TEX11: variants seen among roughly 807,000 people sequenced by gnomAD.
TEX11 encodes testis expressed 11, also known as testis-expressed protein 11.
TEX11 carries 7 observed loss-of-function variants against 84.4 expected under a neutral mutation model. The observed-to-expected ratio is 0.08, with a 90% CI of 0.05 to 0.16. The LOEUF (loss-of-function observed/expected upper bound fraction) is 0.16, where lower values mean the gene tolerates loss of function less well. TEX11 is among the 10% of genes least tolerant of loss of function. TEX11 has a pLI of 1.00. For synonymous variants in TEX11, 264 were observed against 222.8 expected (o/e 1.18, Z -1.64); for missense variants, 551 against 660.5 (o/e 0.83, Z 1.82).
At chrX:70,897,680 AAAGAAAGAAAGAAAGAAAG>A (rs1403256921) in intron 2 of TEX11, 18 of 12,387 alleles carry the variant, frequency 1.5e-3, no homozygotes, top group African/African-American at 3.2e-3. Context: ...AAAGAAAGAA[AAAGAAAGAAAGAAAGAAAG>A]AAAGAAAGAA....
chrX:70,514,594 A>G, the TEX11 span, among the ~76,000 whole-genome samples: 1 of 30,095 alleles, frequency 3.3e-5, no homozygotes, highest in Non-Finnish European at 5.0e-5. Flanking sequence ...GACTCCATCT[A>G]AAAAAAAAAA....
intron 8 of TEX11, among the ~76,000 whole-genome samples, chrX:70,832,196 A>G (rs2091380751): frequency 1.8e-5 from 2 of 111,695 alleles, no homozygotes; most frequent in Admixed American, 9.6e-5. Context: ...AACTTTGGCT[A>G]AACCCACATT....
chrX:70,796,475 A>T (rs1304962092), intron 9 of TEX11, among the ~76,000 whole-genome samples: 1 of 112,241 alleles, frequency 8.9e-6, no homozygotes, highest in Non-Finnish European at 1.9e-5. Context: ...AGAGATATCA[A>T]TATTCAAGTA....
chrX:70,554,513 A>G, intron 26 of TEX11, 138 bp downstream of exon 26: 1 of 498,726 alleles, frequency 2.0e-6, no homozygotes. Flanking sequence ...TAAGAATGGC[A>G]TTAGAGAAGG....
At chrX:70,587,586 G>C (rs1196787646) in intron 25 of TEX11, among the ~76,000 whole-genome samples, 1 of 112,572 alleles carries the variant, frequency 8.9e-6, no homozygotes. Flanking sequence ...AAACAAATGG[G>C]TGTCCGTGGA....
intron 20 of TEX11, among the ~76,000 whole-genome samples, chrX:70,618,379 C>A (rs1040807717): frequency 9.0e-6 from 1 of 111,211 alleles, no homozygotes; most frequent in Non-Finnish European, 1.9e-5. Flanking sequence ...TCCCTTGAGG[C>A]GGCCCCCTGG....
chrX:70,902,173 C>T (rs1427790497), intron 2 of TEX11, among the ~76,000 whole-genome samples: 1 of 111,701 alleles, frequency 9.0e-6, no homozygotes, highest in Non-Finnish European at 1.9e-5. Context: ...ATTACTTGGG[C>T]CCAGGAGGTA....
At chrX:70,612,741 G>A (rs1458445373) in intron 20 of TEX11, among the ~76,000 whole-genome samples, 1 of 111,165 alleles carries the variant, frequency 9.0e-6, no homozygotes, top group Non-Finnish European at 1.9e-5. Context: ...AGAAGAATAG[G>A]TAATGCAACA....
At chrX:70,892,615 C>T (rs1284756967) in intron 2 of TEX11, among the ~76,000 whole-genome samples, 5 of 110,257 alleles carry the variant, frequency 4.5e-5, no homozygotes, top group Admixed American at 3.9e-4. Context: ...CGTCTGTAAT[C>T]CCAGCTACTT....
chrX:70,652,936 GA>G (rs199997157), intron 16 of TEX11, among the ~76,000 whole-genome samples: 56 of 105,941 alleles, frequency 5.3e-4, no homozygotes, highest in African/African-American at 1.3e-3. Context: ...AGACTGCAAT[GA>G]AAAAAAAAAT....
intron 7 of TEX11, among the ~76,000 whole-genome samples, chrX:70,836,041 G>A (rs975837247): frequency 2.8e-5 from 3 of 107,641 alleles, no homozygotes; most frequent in Non-Finnish European, 5.8e-5. Context: ...GCTTGAACCC[G>A]GGAAGCAGAG....
intron 13 of TEX11, among the ~76,000 whole-genome samples, chrX:70,688,281 G>A (rs912972388): frequency 1.8e-5 from 2 of 111,209 alleles, no homozygotes; most frequent in Non-Finnish European, 3.8e-5. Context: ...TTCACTGCTA[G>A]GAATTTACCC....
chrX:70,882,858 A>G (rs1009995063), intron 2 of TEX11, among the ~76,000 whole-genome samples: 17 of 112,286 alleles, frequency 1.5e-4, no homozygotes, highest in Admixed American at 1.2e-3. Context: ...GAGACTATGA[A>G]GACATATATT....
intron 9 of TEX11, among the ~76,000 whole-genome samples, chrX:70,756,717 A>G (rs2090870171): frequency 8.9e-6 from 1 of 112,135 alleles, no homozygotes; most frequent in Non-Finnish European, 1.9e-5. Flanking sequence ...TTCTCCTCCA[A>G]AGGATTGGAG....
chrX:70,713,815 A>G (rs1274132761), intron 13 of TEX11, among the ~76,000 whole-genome samples: 7 of 110,240 alleles, frequency 6.3e-5, no homozygotes, highest in Non-Finnish European at 1.3e-4. Context: ...GATCTTAGTT[A>G]TTTCTTGCCT....
At chrX:70,716,475 A>C (rs2090503340) in intron 13 of TEX11, among the ~76,000 whole-genome samples, 1 of 111,535 alleles carries the variant, frequency 9.0e-6, no homozygotes, top group African/African-American at 3.3e-5. Flanking sequence ...TTACCTACTC[A>C]AGCCTCGGCA....
At chrX:70,655,968 G>T (rs1713346011) in intron 16 of TEX11, among the ~76,000 whole-genome samples, 1 of 110,674 alleles carries the variant, frequency 9.0e-6, no homozygotes, top group Non-Finnish European at 1.9e-5. Flanking sequence ...TGAATTATTA[G>T]ACAAAATAAG....
chrX:70,718,033 T>C (rs1053289727), intron 13 of TEX11, among the ~76,000 whole-genome samples: 1 of 112,198 alleles, frequency 8.9e-6, no homozygotes, highest in Non-Finnish European at 1.9e-5. Context: ...TATGTCAGTG[T>C]CCACATGGGC....
chrX:70,529,204 CAAAT>C lies in TEX11; in HGVS notation c.2686-21_2686-18del, dbSNP rs2087852872. Reference sequence around the variant, plus strand: ...CATATTCATCTGGGAAAGAGAACAACAAATAGATTTCTTGAGGGGAAAAAGAAAT... The same window carrying C: ...CATATTCATCTGGGAAAGAGAACAACAGATTTCTTGAGGGGAAAAAGAAAT... On this transcript the variant is annotated intron_variant, in intron 29 of 29. Transcript: ENST00000374333. 8.6e-7 allele frequency: 1 copy of C among 1,162,703 alleles called. No individual in the cohort carries two copies. The highest frequency in any genetic ancestry group is 1.8e-5 in the African/African-American group (1 of 56,685).
Sources: gnomAD v4.1 joint callset for allele counts (sites outside exome capture counted in the v4.1 genomes callset) on GRCh38, gnomAD v4.1.1 for gene constraint, MANE v1.5 for transcripts, NCBI Gene and HGNC (gene_info 2026-07-23, HGNC 2026-07-21) for gene names.